CERS6: variants seen among roughly 807,000 people sequenced by gnomAD.
CERS6 encodes ceramide synthase 6.
CERS6 carries 26 observed loss-of-function variants against 56.8 expected under a neutral mutation model. The observed-to-expected ratio is 0.46, with a 90% CI of 0.34 to 0.63. CERS6 has a LOEUF of 0.63. Among genes scored for constraint, CERS6 ranks in the 30% least tolerant of loss-of-function variants. The pLI is 0.01. For missense variants in CERS6, 415 were observed against 467.5 expected, an observed-to-expected ratio of 0.89 and a Z score of 1.04; for synonymous variants, 164 against 173.3, an observed-to-expected ratio of 0.95 and a Z score of 0.42.
chr2:168,701,575 T>A (rs1184339010), intron 6 of CERS6, among the ~76,000 whole-genome samples: 2 of 152,202 alleles, frequency 1.3e-5, no homozygotes, highest in Non-Finnish European at 2.9e-5. Flanking sequence ...AATGTCAGTT[T>A]CACCTGAGAA....
At chr2:168,645,535 A>G (rs971766949) in intron 4 of CERS6, among the ~76,000 whole-genome samples, 2 of 152,146 alleles carry the variant, frequency 1.3e-5, no homozygotes, top group African/African-American at 4.8e-5. Flanking sequence ...ATTTAAAAAA[A>G]TCTTTTAACT....
intron 1 of CERS6, among the ~76,000 whole-genome samples, chr2:168,520,220 T>C (rs1489314117): frequency 6.6e-6 from 1 of 152,196 alleles, no homozygotes; most frequent in African/African-American, 2.4e-5. Flanking sequence ...TTGTTGCTCA[T>C]TTGTATGTCT....
chr2:168,713,842 A>ATT (rs1283099123), intron 6 of CERS6, among the ~76,000 whole-genome samples: 1 of 152,086 alleles, frequency 6.6e-6, no homozygotes, highest in East Asian at 1.9e-4. Flanking sequence ...TAGGATTCTT[A>ATT]TTTGAGTATC....
At chr2:168,601,060 T>A (rs1161096600) in intron 3 of CERS6, among the ~76,000 whole-genome samples, 1 of 152,196 alleles carries the variant, frequency 6.6e-6, no homozygotes, top group Admixed American at 6.5e-5. Flanking sequence ...TCTGTCAGTT[T>A]CCTCACACTC....
At chr2:168,749,091 T>C (rs114630546) in intron 8 of CERS6, among the ~76,000 whole-genome samples, 3,055 of 151,800 alleles carry the variant, frequency 0.02, 47 homozygotes, top group Middle Eastern at 0.048. Context: ...TCTTCCAAAA[T>C]TATGACATAA....
At chr2:168,625,469 G>A (rs996462462) in intron 3 of CERS6, among the ~76,000 whole-genome samples, 5 of 152,058 alleles carry the variant, frequency 3.3e-5, no homozygotes, top group Non-Finnish European at 7.4e-5. Flanking sequence ...AGGATCACTC[G>A]TACTCCTAAT....
chr2:168,602,640 T>C (rs2105264373), intron 3 of CERS6, among the ~76,000 whole-genome samples: 1 of 152,252 alleles, frequency 6.6e-6, no homozygotes, highest in East Asian at 1.9e-4. Flanking sequence ...GCATGCAGAG[T>C]GGTCAGTGGG....
At chr2:168,505,660 C>T (rs1165123545) in intron 1 of CERS6, among the ~76,000 whole-genome samples, 1 of 152,116 alleles carries the variant, frequency 6.6e-6, no homozygotes, top group Non-Finnish European at 1.5e-5. Context: ...TATTAGGGCT[C>T]AGACTGTTCA....
intron 4 of CERS6, among the ~76,000 whole-genome samples, chr2:168,640,687 A>G (rs993961940): frequency 6.6e-6 from 1 of 152,248 alleles, no homozygotes; most frequent in Non-Finnish European, 1.5e-5. Context: ...GTAATCTAGC[A>G]GAGAAGTTAA....
At chr2:168,755,049 C>T (rs547847589) in intron 8 of CERS6, among the ~76,000 whole-genome samples, 4 of 152,260 alleles carry the variant, frequency 2.6e-5, no homozygotes, top group African/African-American at 7.2e-5. Flanking sequence ...GGATTACAGG[C>T]GTGAGCCACC....
At chr2:168,528,510 T>A (rs983446244) in intron 1 of CERS6, among the ~76,000 whole-genome samples, 1 of 152,260 alleles carries the variant, frequency 6.6e-6, no homozygotes, top group Admixed American at 6.5e-5. Flanking sequence ...TAAAATAATT[T>A]GTGATTTCTG....
chr2:168,606,945 A>G (rs1480036816), intron 3 of CERS6, among the ~76,000 whole-genome samples: 1 of 152,194 alleles, frequency 6.6e-6, no homozygotes, highest in Non-Finnish European at 1.5e-5. Flanking sequence ...GCCTTCTGGC[A>G]TGATTGTAAG....
At chr2:168,689,497 T>C (rs942228813) in intron 4 of CERS6, among the ~76,000 whole-genome samples, 1 of 152,210 alleles carries the variant, frequency 6.6e-6, no homozygotes, top group Non-Finnish European at 1.5e-5. Flanking sequence ...TTTTTACATC[T>C]TCCTCAATGG....
intron 4 of CERS6, among the ~76,000 whole-genome samples, chr2:168,679,322 T>C (rs959022045): frequency 6.6e-6 from 1 of 152,076 alleles, no homozygotes; most frequent in Admixed American, 6.5e-5. Context: ...GGCTTTTGAG[T>C]GGTTTCACCA....
rs1684162208 is a variant in CERS6, at chr2:168,610,515, T to C, written c.408-20470T>C. 2.0e-5 allele frequency among the ~76,000 whole-genome samples: 3 copies of C among 152,190 alleles called. No individual in the cohort carries two copies. The South Asian group carries it at 6.2e-4, about 32-fold the overall frequency. On this transcript the variant is annotated intron_variant, in intron 3 of 9. Transcript: ENST00000305747. ...ACAAATAGAATGTATTTGATTTGAT[T>C]TCATTTTTATTTGGTAGATATTTTC...
chr2:168,544,624 G>A (rs779292079), intron 1 of CERS6, among the ~76,000 whole-genome samples: 1 of 152,178 alleles, frequency 6.6e-6, no homozygotes, highest in Non-Finnish European at 1.5e-5. Context: ...GCCAGGTGTG[G>A]ATGAGCTTAG....
chr2:168,511,588 G>C (rs1694787686), intron 1 of CERS6, among the ~76,000 whole-genome samples: 1 of 152,194 alleles, frequency 6.6e-6, no homozygotes, highest in South Asian at 2.1e-4. Flanking sequence ...TGAGGACTTA[G>C]AAACCTCAGC....
intron 1 of CERS6, among the ~76,000 whole-genome samples, chr2:168,494,161 A>G (rs145486266): frequency 2.7e-4 from 41 of 152,170 alleles, no homozygotes; most frequent in East Asian, 1.2e-3. Context: ...CATTTTGGCA[A>G]TTGTAATTAC....
chr2:168,599,073 T>C (rs183998334), intron 3 of CERS6, among the ~76,000 whole-genome samples: 2 of 152,344 alleles, frequency 1.3e-5, no homozygotes, highest in East Asian at 3.9e-4. Context: ...CGATGTAGGC[T>C]AGGGCATTAG....
Sources: allele counts gnomAD v4.1 joint callset (sites outside exome capture counted in the v4.1 genomes callset), GRCh38; gene constraint gnomAD v4.1.1; transcripts MANE v1.5; gene names NCBI Gene and HGNC (gene_info 2026-07-23, HGNC 2026-07-21).